GFM2: variants seen among roughly 807,000 people sequenced by gnomAD.
GFM2 encodes the protein GTP dependent ribosome recycling factor mitochondrial 2, also known as ribosome-releasing factor 2, mitochondrial.
In GFM2, 72 loss-of-function variants were observed where a neutral mutation model predicts 95.4. The observed-to-expected ratio is 0.76, with a 90% confidence interval of 0.62 to 0.92. The LOEUF is 0.92. Ranked by LOEUF, GFM2 falls within the 40% of genes least tolerant of loss-of-function variation. GFM2 has a pLI of 0.00. For synonymous variants in GFM2, 276 were observed against 317.5 expected, an observed-to-expected ratio of 0.87 and a Z score of 1.39; for missense variants, 825 against 924.1, an observed-to-expected ratio of 0.89 and a Z score of 1.39.
chr5:74,734,965 C>T (rs182324003), intron 15 of GFM2, among the ~76,000 whole-genome samples: 222 of 152,234 alleles, frequency 1.5e-3, no homozygotes, highest in Admixed American at 3.2e-3. Flanking sequence ...TCACTGCAAG[C>T]CCACAATTTG....
At chr5:74,738,100 A>T (rs945718790) in intron 14 of GFM2, among the ~76,000 whole-genome samples, 1 of 152,142 alleles carries the variant, frequency 6.6e-6, no homozygotes, top group Non-Finnish European at 1.5e-5. Flanking sequence ...TTTGAACTTT[A>T]TATGAATACA....
chr5:74,753,954 G>C (rs1035591161), intron 5 of GFM2, among the ~76,000 whole-genome samples: 4 of 147,574 alleles, frequency 2.7e-5, no homozygotes, highest in African/African-American at 1.0e-4. Flanking sequence ...AATTTTAAGA[G>C]TGTGGGGAAA....
chr5:74,721,579 TAAAGCAATAA>T lies in GFM2; in HGVS notation c.*66_*75del. The T allele has an allele frequency of 7.1e-7, 1 of 1,413,628 alleles. No individual in the cohort carries two copies. The highest frequency in any genetic ancestry group is 1.9e-5 in the Admixed American group (1 of 52,084). The allele number at this position is 1,413,628 out of a possible 1,614,324, so 87.6% of individuals were successfully genotyped here. ...AACAGTACTTTATTCGTCCAATAAA[TAAAGCAATAA>T]AAATTGTTCTTACTGAAAATGAAGT... On this transcript the variant is annotated 3_prime_UTR_variant, in exon 21 of 21. Transcript: ENST00000296805.
intron 19 of GFM2, among the ~76,000 whole-genome samples, chr5:74,724,142 A>G (rs912076933): frequency 1.3e-5 from 2 of 152,198 alleles, no homozygotes; most frequent in African/African-American, 4.8e-5. Context: ...AGCCCCCATA[A>G]AGTTAATTCT....
intron 10 of GFM2, among the ~76,000 whole-genome samples, chr5:74,742,393 T>C (rs1381328410): frequency 6.6e-6 from 1 of 152,158 alleles, no homozygotes; most frequent in Non-Finnish European, 1.5e-5. Flanking sequence ...TTCCACCACT[T>C]ACCCACTTGT....
intron 11 of GFM2, among the ~76,000 whole-genome samples, chr5:74,741,173 T>C (rs1743087655): frequency 6.6e-6 from 1 of 152,164 alleles, no homozygotes; most frequent in South Asian, 2.1e-4. Flanking sequence ...GTAATTGTAG[T>C]AGCCTGAAAC....
intron 10 of GFM2, among the ~76,000 whole-genome samples, chr5:74,743,725 C>A (rs1201353216): frequency 6.6e-6 from 1 of 152,166 alleles, no homozygotes; most frequent in Non-Finnish European, 1.5e-5. Flanking sequence ...ACTTTTATAT[C>A]TTCTATGCTC....
intron 15 of GFM2, chr5:74,736,510 A>G: frequency 1.0e-6 from 1 of 985,112 alleles, no homozygotes; most frequent in African/African-American, 1.7e-5. Flanking sequence ...AATATACTAG[A>G]AGGGCAGTTC....
At chr5:74,749,770 T>C (rs1743598906) in intron 7 of GFM2, among the ~76,000 whole-genome samples, 1 of 152,208 alleles carries the variant, frequency 6.6e-6, no homozygotes, top group Admixed American at 6.5e-5. Flanking sequence ...GTTTTTAATT[T>C]TTTTGTTTTA....
intron 17 of GFM2, among the ~76,000 whole-genome samples, chr5:74,728,770 T>TTTTTTTTGGG (rs756604027): frequency 8.8e-6 from 1 of 113,794 alleles, no homozygotes; most frequent in Admixed American, 8.7e-5. Flanking sequence ...TTTTTTTTTT[T>TTTTTTTTGGG]TTTTGAGATG....
chr5:74,754,676 T>C (rs888348527), intron 5 of GFM2, among the ~76,000 whole-genome samples: 3 of 152,146 alleles, frequency 2.0e-5, no homozygotes, highest in East Asian at 1.9e-4. Flanking sequence ...ATCCTAAATA[T>C]ATATGCACAT....
intron 10 of GFM2, among the ~76,000 whole-genome samples, chr5:74,743,498 T>C (rs895357398): frequency 6.6e-6 from 1 of 152,224 alleles, no homozygotes; most frequent in African/African-American, 2.4e-5. Flanking sequence ...GTATTTCTTA[T>C]AATTAGCATA....
Position 74,737,002 on chromosome 5 carries a change from T to C in GFM2, c.1321-17A>G. 1.2e-6 allele frequency: 2 copies of C among 1,611,952 alleles called. No individual in the cohort carries two copies. The highest frequency in any genetic ancestry group is 1.7e-6 in the Non-Finnish European group (2 of 1,179,116). On this transcript the variant is annotated splice_polypyrimidine_tract_variant and intron_variant, in intron 14 of 20. Coordinates refer to ENST00000296805, the MANE Select transcript of GFM2 (RefSeq NM_032380.5). ...AGTGGCAGTCTGCAAGCAAACAAGA[T>C]GACTTGGAACGAAAGTGGCATTTAG...
chr5:74,725,853 A>G, intron 18 of GFM2, 88 bp downstream of exon 18: 1 of 1,460,952 alleles, frequency 6.8e-7, no homozygotes, highest in Non-Finnish European at 9.5e-7. Flanking sequence ...TAACAAAGTT[A>G]GGAAAAAGAC....
chr5:74,742,564 C>A (rs532868428), intron 10 of GFM2, among the ~76,000 whole-genome samples: 1 of 152,196 alleles, frequency 6.6e-6, no homozygotes, highest in Non-Finnish European at 1.5e-5. Flanking sequence ...TACTGTGCAC[C>A]TTCAATATTG....
intron 16 of GFM2, among the ~76,000 whole-genome samples, chr5:74,732,372 CT>C (rs1458542723): frequency 6.6e-6 from 1 of 152,032 alleles, no homozygotes; most frequent in Non-Finnish European, 1.5e-5. Context: ...GTACTCCATG[CT>C]TTTCCAGGTT....
intron 10 of GFM2, among the ~76,000 whole-genome samples, chr5:74,743,996 T>G (rs1480295617): frequency 6.6e-6 from 1 of 152,230 alleles, no homozygotes; most frequent in African/African-American, 2.4e-5. Flanking sequence ...ATTATTATGT[T>G]AATGATAAAG....
At chr5:74,758,750 T>A in intron 5 of GFM2, 99 bp downstream of exon 5, 1 of 720,280 alleles carries the variant, frequency 1.4e-6, no homozygotes, top group Non-Finnish European at 2.5e-6. Flanking sequence ...AGTAGCTCTA[T>A]GCCATATTCA....
At chr5:74,724,954 C>T (rs1750080302) in intron 19 of GFM2, 1 of 152,178 alleles carries the variant, frequency 6.6e-6, no homozygotes, top group Non-Finnish European at 1.5e-5. Context: ...TAAGGACAAA[C>T]TCCCCAGATA....
Sources: gnomAD v4.1 joint callset for allele counts (sites outside exome capture counted in the v4.1 genomes callset) on GRCh38, gnomAD v4.1.1 for gene constraint, MANE v1.5 for transcripts, NCBI Gene and HGNC (gene_info 2026-07-23, HGNC 2026-07-21) for gene names.